MIPEP: variants seen among roughly 807,000 people sequenced by gnomAD.
The protein encoded by MIPEP is mitochondrial intermediate peptidase.
In MIPEP, 79 loss-of-function variants were observed where a neutral mutation model predicts 90.3. The ratio of observed to expected loss-of-function variants is 0.87; its 90% CI spans 0.73 to 1.05. The LOEUF (loss-of-function observed/expected upper bound fraction) is 1.05. MIPEP is among the 50% of genes least tolerant of loss of function. The probability of loss-of-function intolerance (pLI) is 0.00; values close to 1 mark genes in which losing one functional copy is unlikely to be tolerated. For synonymous variants in MIPEP, 334 were observed against 315.8 expected (o/e 1.06, Z -0.61); for missense variants, 940 against 905.6 (o/e 1.04, Z -0.49).
At chr13:23,869,940 A>C in intron 6 of MIPEP, 73 bp downstream of exon 6, 1 of 1,253,838 alleles carries the variant, frequency 8.0e-7, no homozygotes, top group Non-Finnish European at 1.1e-6. Context: ...TTATATTATC[A>C]CTGAATTTTG....
intron 7 of MIPEP, among the ~76,000 whole-genome samples, chr13:23,865,930 C>T (rs1870512750): frequency 6.6e-6 from 1 of 152,098 alleles, no homozygotes; most frequent in African/African-American, 2.4e-5. Context: ...CTCAGCCTCC[C>T]AAAGTGCTGA....
rs148347905 is a variant in MIPEP, at chr13:23,832,625, C to A, written c.1653+3615G>T. ...AAGAAGTTACGCGGAAGGTAAAAATCTACAAGCACTGAGAAGAGAAACAAT... is the reference window on the plus strand; with the variant it reads ...AAGAAGTTACGCGGAAGGTAAAAATATACAAGCACTGAGAAGAGAAACAAT... On this transcript the variant is annotated intron_variant, in intron 14 of 18. Transcript: ENST00000382172. Among the ~76,000 whole-genome samples the A allele has an allele frequency of 4.6e-5, 7 of 152,234 alleles. No homozygotes were observed. In the East Asian group the frequency reaches 1.4e-3, roughly 29 times the overall value.
chr13:23,803,301 T>C (rs1953068227), intron 16 of MIPEP, among the ~76,000 whole-genome samples: 1 of 152,028 alleles, frequency 6.6e-6, no homozygotes, highest in South Asian at 2.1e-4. Context: ...AGGCAGAGGT[T>C]GCAGTGAGCC....
At chr13:23,756,725 C>G in intron 17 of MIPEP, 107 bp from the exon 18 acceptor site, 1 of 1,063,238 alleles carries the variant, frequency 9.4e-7, no homozygotes, top group Non-Finnish European at 1.4e-6. Flanking sequence ...ATAAAAGCTG[C>G]CACCATGTGA....
chr13:23,750,894 C>T (rs1184955612), intron 18 of MIPEP, among the ~76,000 whole-genome samples: 3 of 152,080 alleles, frequency 2.0e-5, no homozygotes, highest in East Asian at 1.9e-4. Flanking sequence ...TTCAGTGGGC[C>T]CCTGCTGCGA....
chr13:23,858,783 G>A, intron 10 of MIPEP, 77 bp downstream of exon 10: 3 of 1,310,032 alleles, frequency 2.3e-6, no homozygotes, highest in Non-Finnish European at 2.2e-6. Flanking sequence ...GGGCGACTCA[G>A]TGGATGACAG....
chr13:23,766,909 T>A (rs1485565818), intron 16 of MIPEP, among the ~76,000 whole-genome samples: 1 of 152,186 alleles, frequency 6.6e-6, no homozygotes, highest in Non-Finnish European at 1.5e-5. Context: ...GTGAATACAT[T>A]GTGTTATCCA....
chr13:23,784,654 A>G (rs2137366749), intron 16 of MIPEP, among the ~76,000 whole-genome samples: 1 of 152,362 alleles, frequency 6.6e-6, no homozygotes, highest in East Asian at 1.9e-4. Flanking sequence ...TAATTAAGCT[A>G]AAGAGCTTCT....
At chr13:23,793,571 G>A (rs1320089297) in intron 16 of MIPEP, among the ~76,000 whole-genome samples, 3 of 151,536 alleles carry the variant, frequency 2.0e-5, no homozygotes, top group African/African-American at 7.3e-5. Context: ...ATATTTATTG[G>A]GTACATACTA....
At chr13:23,852,540 T>C (rs1869842440) in intron 10 of MIPEP, among the ~76,000 whole-genome samples, 1 of 152,214 alleles carries the variant, frequency 6.6e-6, no homozygotes, top group Admixed American at 6.5e-5. Flanking sequence ...AGCTGTCATG[T>C]CAGAGTACAA....
chr13:23,732,802 G>A (rs1952220260), intron 18 of MIPEP, among the ~76,000 whole-genome samples: 3 of 152,148 alleles, frequency 2.0e-5, no homozygotes, highest in Admixed American at 2.0e-4. Context: ...GAGGGCCTCT[G>A]GTGTGATGGT....
At chr13:23,768,272 T>A (rs561587248) in intron 16 of MIPEP, among the ~76,000 whole-genome samples, 63 of 152,252 alleles carry the variant, frequency 4.1e-4, no homozygotes, top group Non-Finnish European at 7.3e-4. Flanking sequence ...CTGATGTCTA[T>A]GCCACATTCA....
At chr13:23,819,240 C>A (rs779181489) in intron 14 of MIPEP, among the ~76,000 whole-genome samples, 8 of 152,228 alleles carry the variant, frequency 5.3e-5, no homozygotes, top group Admixed American at 1.3e-4. Context: ...AAATGCCACA[C>A]AATCAAACCA....
intron 16 of MIPEP, among the ~76,000 whole-genome samples, chr13:23,799,416 CT>C (rs1299049121): frequency 6.6e-6 from 1 of 152,070 alleles, no homozygotes; most frequent in Non-Finnish European, 1.5e-5. Flanking sequence ...CAAGCTCCGC[CT>C]TCTGGGTCAC....
At chr13:23,783,172 A>C (rs1381518585) in intron 16 of MIPEP, among the ~76,000 whole-genome samples, 1 of 152,192 alleles carries the variant, frequency 6.6e-6, no homozygotes, top group Non-Finnish European at 1.5e-5. Context: ...ATTTTAGACC[A>C]ATATCCCTGA....
At chr13:23,847,781 A>T (rs1869615602) in intron 10 of MIPEP, among the ~76,000 whole-genome samples, 1 of 152,194 alleles carries the variant, frequency 6.6e-6, no homozygotes, top group South Asian at 2.1e-4. Context: ...AGCTAATACA[A>T]AGGAAGAGAT....
intron 14 of MIPEP, among the ~76,000 whole-genome samples, chr13:23,815,256 TTC>T (rs1953219620): frequency 6.6e-6 from 1 of 152,166 alleles, no homozygotes; most frequent in Admixed American, 6.5e-5. Flanking sequence ...CTAAACAATT[TTC>T]TCTCTGTAGC....
intron 10 of MIPEP, among the ~76,000 whole-genome samples, chr13:23,850,339 A>C (rs1394637975): frequency 2.0e-5 from 3 of 152,198 alleles, no homozygotes; most frequent in African/African-American, 7.2e-5. Flanking sequence ...GGTAGCAGTA[A>C]AGGAACTGAA....
intron 3 of MIPEP, among the ~76,000 whole-genome samples, chr13:23,880,681 A>T (rs1871237905): frequency 6.6e-6 from 1 of 152,094 alleles, no homozygotes; most frequent in African/African-American, 2.4e-5. Flanking sequence ...CAGTATCTGC[A>T]CTCTGCAGGG....
Sources: allele counts gnomAD v4.1 joint callset (sites outside exome capture counted in the v4.1 genomes callset), GRCh38; gene constraint gnomAD v4.1.1; transcripts MANE v1.5; gene names NCBI Gene and HGNC (gene_info 2026-07-23, HGNC 2026-07-21).